Variants in CACNA2D1 observed in about 807,000 individuals in gnomAD.
CACNA2D1 encodes the protein voltage-dependent calcium channel subunit alpha-2/delta-1.
Under a neutral mutation model 171.5 loss-of-function variants are expected in CACNA2D1, and 53 were observed. The observed-to-expected ratio is 0.31, with a 90% CI of 0.25 to 0.39. CACNA2D1 has a LOEUF of 0.39. CACNA2D1 is among the 10% of genes least tolerant of loss of function. The pLI is 1.00. For missense variants in CACNA2D1, 903 were observed against 1,299.8 expected (o/e 0.69, Z 4.69); for synonymous variants, 442 against 443.1 (o/e 1.00, Z 0.03).
chr7:82,114,774 A>G (rs1357143021), intron 6 of CACNA2D1, among the ~76,000 whole-genome samples: 1 of 151,700 alleles, frequency 6.6e-6, no homozygotes, highest in Non-Finnish European at 1.5e-5. Context: ...AAAAAAAAAA[A>G]AAAAAGAAAC....
intron 3 of CACNA2D1, among the ~76,000 whole-genome samples, chr7:82,281,820 C>A (rs1053311771): frequency 6.6e-6 from 1 of 151,830 alleles, no homozygotes; most frequent in African/African-American, 2.4e-5. Flanking sequence ...ATTTAAAACT[C>A]TCTGATTCCA....
At chr7:82,158,059 GT>G (rs1380982111) in intron 4 of CACNA2D1, among the ~76,000 whole-genome samples, 1 of 151,714 alleles carries the variant, frequency 6.6e-6, no homozygotes, top group Non-Finnish European at 1.5e-5. Flanking sequence ...ATGAAAACAT[GT>G]TTTCAGCATG....
intron 4 of CACNA2D1, among the ~76,000 whole-genome samples, chr7:82,137,849 G>A (rs2129080902): frequency 6.6e-6 from 1 of 150,504 alleles, no homozygotes; most frequent in South Asian, 2.1e-4. Flanking sequence ...GACAGAGCGA[G>A]ACTCCGCCTC....
chr7:82,435,622 C>T (rs1435809141), intron 1 of CACNA2D1, among the ~76,000 whole-genome samples: 1 of 152,114 alleles, frequency 6.6e-6, no homozygotes, highest in Non-Finnish European at 1.5e-5. Flanking sequence ...TTTTTGAAAC[C>T]TCGGGCATCA....
At chr7:82,229,427 A>T (rs755872660) in intron 3 of CACNA2D1, among the ~76,000 whole-genome samples, 27 of 152,102 alleles carry the variant, frequency 1.8e-4, no homozygotes, top group Non-Finnish European at 3.8e-4. Context: ...GAAGCAACCA[A>T]CCTAGAAAGA....
intron 12 of CACNA2D1, among the ~76,000 whole-genome samples, chr7:82,031,717 T>C (rs767958390): frequency 7.9e-5 from 12 of 151,966 alleles, no homozygotes; most frequent in Non-Finnish European, 1.8e-4. Flanking sequence ...TGTTCGCCAT[T>C]ATTCACAATA....
chr7:82,093,757 T>C (rs1234259590), intron 6 of CACNA2D1, among the ~76,000 whole-genome samples: 2 of 152,036 alleles, frequency 1.3e-5, no homozygotes, highest in African/African-American at 4.8e-5. Flanking sequence ...GAAATGAAAT[T>C]ATATCAGGTC....
At chr7:82,335,010 A>C in intron 3 of CACNA2D1, 125 bp downstream of exon 3, 2 of 703,356 alleles carry the variant, frequency 2.8e-6, no homozygotes, top group South Asian at 3.4e-5. Context: ...TTTTTTATGA[A>C]CATATCAGAT....
At chr7:82,120,188 C>T (rs890673380) in intron 5 of CACNA2D1, among the ~76,000 whole-genome samples, 4 of 152,018 alleles carry the variant, frequency 2.6e-5, no homozygotes, top group Admixed American at 6.6e-5. Context: ...CACGCACGCA[C>T]GTGTGTCTGT....
chr7:82,387,683 T>A (rs546211033), intron 1 of CACNA2D1, among the ~76,000 whole-genome samples: 4 of 152,222 alleles, frequency 2.6e-5, no homozygotes, highest in Non-Finnish European at 5.9e-5. Context: ...TAGTAATAGT[T>A]GCTTATTTTC....
At chr7:82,025,118 G>C (rs889168566) in intron 12 of CACNA2D1, among the ~76,000 whole-genome samples, 1 of 151,400 alleles carries the variant, frequency 6.6e-6, no homozygotes, top group African/African-American at 2.4e-5. Context: ...GATTTCTTTG[G>C]CTATTTTGTG....
At chr7:82,282,515 G>C (rs1434190694) in intron 3 of CACNA2D1, among the ~76,000 whole-genome samples, 1 of 152,132 alleles carries the variant, frequency 6.6e-6, no homozygotes, top group Middle Eastern at 3.2e-3. Flanking sequence ...GGGCAGGAAG[G>C]TTAGCAGGAT....
intron 20 of CACNA2D1, among the ~76,000 whole-genome samples, chr7:81,991,647 T>C (rs1797550332): frequency 6.6e-6 from 1 of 152,164 alleles, no homozygotes; most frequent in Non-Finnish European, 1.5e-5. Context: ...GATTAGCATA[T>C]GACTGTTTTT....
At chr7:82,098,054 C>G (rs1812125262) in intron 6 of CACNA2D1, among the ~76,000 whole-genome samples, 2 of 152,000 alleles carry the variant, frequency 1.3e-5, no homozygotes, top group Admixed American at 1.3e-4. Flanking sequence ...GCAGTGGTTG[C>G]AGTGAGCCGA....
At chr7:82,342,178 A>C (rs1818748862) in intron 2 of CACNA2D1, among the ~76,000 whole-genome samples, 1 of 151,686 alleles carries the variant, frequency 6.6e-6, no homozygotes, top group Non-Finnish European at 1.5e-5. Flanking sequence ...CTACCTTTGA[A>C]ATTTTTTATG....
chr7:82,115,977 G>A (rs1041755905), intron 6 of CACNA2D1, among the ~76,000 whole-genome samples: 1 of 152,164 alleles, frequency 6.6e-6, no homozygotes, highest in African/African-American at 2.4e-5. Context: ...TGAAGGATTT[G>A]CCAGAGGAAA....
intron 1 of CACNA2D1, 135 bp downstream of exon 1, chr7:82,443,230 A>T (rs1830644156): frequency 1.3e-6 from 1 of 793,586 alleles, no homozygotes; most frequent in Non-Finnish European, 1.8e-6. Context: ...GCGTCTCCGC[A>T]TCCGAGCCTG....
chr7:82,162,808 C>T (rs1795082372), intron 4 of CACNA2D1, among the ~76,000 whole-genome samples: 1 of 151,958 alleles, frequency 6.6e-6, no homozygotes, highest in South Asian at 2.1e-4. Flanking sequence ...ACTAAGCCCT[C>T]AGTCCCCGGG....
At chr7:82,111,718 G>C (rs897042204) in intron 6 of CACNA2D1, among the ~76,000 whole-genome samples, 4 of 151,332 alleles carry the variant, frequency 2.6e-5, no homozygotes, top group African/African-American at 9.7e-5. Context: ...CAAAGTGCTG[G>C]GATTACAGGC....
Sources: gnomAD v4.1 joint callset for allele counts (sites outside exome capture counted in the v4.1 genomes callset) on GRCh38, gnomAD v4.1.1 for gene constraint, MANE v1.5 for transcripts, NCBI Gene and HGNC (gene_info 2026-07-23, HGNC 2026-07-21) for gene names.